GMDS: variants seen among roughly 807,000 people sequenced by gnomAD.
The protein encoded by GMDS is GDP-mannose 4,6 dehydratase.
Under a neutral mutation model 49.9 loss-of-function variants are expected in GMDS, and 20 were observed. That is an observed-to-expected ratio of 0.40 (90% CI 0.28 to 0.58). The LOEUF (loss-of-function observed/expected upper bound fraction) is 0.58. Ranked by LOEUF, GMDS falls within the 20% of genes least tolerant of loss-of-function variation. GMDS has a pLI of 0.42. For missense variants in GMDS, 362 were observed against 481.4 expected (o/e 0.75, Z 2.32); for synonymous variants, 177 against 178.6 (o/e 0.99, Z 0.07).
At chr6:2,159,891 T>G (rs1165277669) in intron 1 of GMDS, among the ~76,000 whole-genome samples, 2 of 152,170 alleles carry the variant, frequency 1.3e-5, no homozygotes, top group Non-Finnish European at 2.9e-5. Flanking sequence ...CCAAAACATC[T>G]TCCAATATAT....
chr6:2,167,116 C>G (rs1581739043), intron 1 of GMDS, among the ~76,000 whole-genome samples: 1 of 152,326 alleles, frequency 6.6e-6, no homozygotes, highest in Admixed American at 6.5e-5. Context: ...TCACCAATGA[C>G]TTCCTAGATA....
chr6:1,700,267 T>C lies in GMDS; in HGVS notation c.987+26149A>G, dbSNP rs563392519. ...ACTTCTCACCTTTATTCTCAATTAC[T>C]CTGCGAAAGTTTTTATTTTTACTCT... On this transcript the variant is annotated intron_variant, in intron 9 of 10. Coordinates refer to ENST00000380815, the MANE Select transcript of GMDS (RefSeq NM_001500.4). Among the ~76,000 whole-genome samples the C allele has an allele frequency of 2.6e-5, 4 of 152,372 alleles. No homozygotes were observed. In the South Asian group the frequency reaches 6.2e-4, roughly 24 times the overall value.
At chr6:2,069,556 C>G (rs1771847102) in intron 4 of GMDS, among the ~76,000 whole-genome samples, 1 of 151,822 alleles carries the variant, frequency 6.6e-6, no homozygotes, top group African/African-American at 2.4e-5. Context: ...ACAATGAACT[C>G]AAACAAATTT....
intron 1 of GMDS, among the ~76,000 whole-genome samples, chr6:2,175,063 G>A (rs1325956561): frequency 6.6e-6 from 1 of 152,152 alleles, no homozygotes; most frequent in Non-Finnish European, 1.5e-5. Context: ...GGGAAGGGGG[G>A]TGAGGGTAGC....
rs950603035 is a variant in GMDS, at chr6:1,933,906, C to T, written c.644-3676G>A. ...TGATGAAGTCCAATTTGTCTACATTCGCTTGTGTGGCAGATGCTTTTGGTG... is the reference window on the plus strand; with the variant it reads ...TGATGAAGTCCAATTTGTCTACATTTGCTTGTGTGGCAGATGCTTTTGGTG... On this transcript the variant is annotated intron_variant, in intron 6 of 10. Coordinates refer to ENST00000380815, the MANE Select transcript of GMDS (RefSeq NM_001500.4). Among the ~76,000 whole-genome samples the T allele has an allele frequency of 2.6e-5, 4 of 152,154 alleles. No homozygotes were observed. In the East Asian group the frequency reaches 5.8e-4, roughly 22 times the overall value.
intron 9 of GMDS, among the ~76,000 whole-genome samples, chr6:1,701,790 C>A (rs1765552570): frequency 6.6e-6 from 1 of 151,684 alleles, no homozygotes; most frequent in Non-Finnish European, 1.5e-5. Context: ...TATAAATGTG[C>A]CTATTTCTGT....
At chr6:2,029,299 C>A (rs1768814972) in intron 4 of GMDS, among the ~76,000 whole-genome samples, 1 of 152,090 alleles carries the variant, frequency 6.6e-6, no homozygotes, top group African/African-American at 2.4e-5. Flanking sequence ...TAAAATAAAT[C>A]ATAACCTTTA....
At chr6:1,648,119 G>A (rs550015612) in intron 9 of GMDS, among the ~76,000 whole-genome samples, 52 of 152,272 alleles carry the variant, frequency 3.4e-4, no homozygotes, top group African/African-American at 1.3e-3. Flanking sequence ...GGACATCCTC[G>A]CCTAAAGCTC....
At chr6:1,788,844 G>C (rs1339863110) in intron 7 of GMDS, among the ~76,000 whole-genome samples, 8 of 152,120 alleles carry the variant, frequency 5.3e-5, no homozygotes. Flanking sequence ...CTATGTGTTA[G>C]TGTAAAACTG....
chr6:1,870,447 C>T (rs1758676342), intron 7 of GMDS, among the ~76,000 whole-genome samples: 1 of 152,078 alleles, frequency 6.6e-6, no homozygotes, highest in African/African-American at 2.4e-5. Context: ...TCCTCCCCCA[C>T]CCCAGCCCCA....
intron 4 of GMDS, among the ~76,000 whole-genome samples, chr6:2,085,219 C>G (rs1772942402): frequency 6.6e-6 from 1 of 152,088 alleles, no homozygotes; most frequent in South Asian, 2.1e-4. Flanking sequence ...CCCAGGTCCA[C>G]TCTCGTGACC....
intron 8 of GMDS, among the ~76,000 whole-genome samples, chr6:1,732,920 A>C (rs1180540468): frequency 6.6e-6 from 1 of 152,236 alleles, no homozygotes; most frequent in Non-Finnish European, 1.5e-5. Flanking sequence ...TAAGTAGCAG[A>C]TGTGAGTGAC....
chr6:2,022,872 G>A (rs758245617), intron 4 of GMDS, among the ~76,000 whole-genome samples: 2 of 152,070 alleles, frequency 1.3e-5, no homozygotes, highest in Non-Finnish European at 2.9e-5. Context: ...ACTCCAATAA[G>A]CCCTCTGTCT....
rs568977786 is a variant in GMDS at position 2,120,280 on chromosome 6, T to C, written c.148-2724A>G. ...TAGTAAGTGGCAACGTTAAAGGACA[T>C]AGACTTGGTCAGCCCTGCCAACACT... On this transcript the variant is annotated intron_variant, in intron 2 of 10. Transcript: ENST00000380815. Among the ~76,000 whole-genome samples the C allele has an allele frequency of 2.0e-5, 3 of 152,246 alleles. No individual in the cohort carries two copies. The South Asian group carries it at 6.2e-4, about 32-fold the overall frequency.
chr6:2,196,214 C>T (rs1196582697), intron 1 of GMDS, among the ~76,000 whole-genome samples: 1 of 152,196 alleles, frequency 6.6e-6, no homozygotes, highest in Non-Finnish European at 1.5e-5. Flanking sequence ...AACTGCAAAA[C>T]TATAATTATC....
rs1366304695 is a variant in GMDS at position 1,735,743 on chromosome 6, C to T, written c.890+6725G>A. ...CAAGGTCCAGCTTACATCTAACTTT[C>T]TGCAAACATAACTCCAATCATGATT... On this transcript the variant is annotated intron_variant, in intron 8 of 10. Transcript: ENST00000380815. Among the ~76,000 whole-genome samples, 3 of 152,192 alleles carry T rather than the reference C, an allele frequency of 2.0e-5. No individual in the cohort carries two copies. In the East Asian group the frequency reaches 5.8e-4, roughly 29 times the overall value.
chr6:1,645,192 C>T (rs1763449465), intron 9 of GMDS, among the ~76,000 whole-genome samples: 1 of 151,912 alleles, frequency 6.6e-6, no homozygotes, highest in Non-Finnish European at 1.5e-5. Context: ...CCTCGGCCTC[C>T]CAAAGTGCTG....
intron 9 of GMDS, among the ~76,000 whole-genome samples, chr6:1,715,353 T>C (rs949203324): frequency 1.2e-4 from 18 of 152,236 alleles, no homozygotes; most frequent in Admixed American, 5.2e-4. Context: ...TAATTTTGGT[T>C]CTATCAGAGC....
At chr6:1,941,035 A>G (rs1196614913) in intron 6 of GMDS, among the ~76,000 whole-genome samples, 1 of 149,718 alleles carries the variant, frequency 6.7e-6, no homozygotes, top group Non-Finnish European at 1.5e-5. Flanking sequence ...CCTTAGTCAA[A>G]TAAAACAACC....
Sources: gnomAD v4.1 joint callset for allele counts (sites outside exome capture counted in the v4.1 genomes callset) on GRCh38, gnomAD v4.1.1 for gene constraint, MANE v1.5 for transcripts, NCBI Gene and HGNC (gene_info 2026-07-23, HGNC 2026-07-21) for gene names.